Variants in GPR158 observed in about 807,000 individuals in gnomAD.
GPR158 encodes metabotropic glycine receptor.
A neutral mutation model predicts 78.2 loss-of-function variants in GPR158; 30 were observed. The observed-to-expected ratio is 0.38, with a 90% confidence interval of 0.29 to 0.52. The LOEUF (loss-of-function observed/expected upper bound fraction) is 0.52, where lower values mean the gene tolerates loss of function less well. Among genes scored for constraint, GPR158 ranks in the 20% least tolerant of loss-of-function variants. GPR158 has a pLI of 0.83. For synonymous variants in GPR158, 581 were observed against 591.1 expected (o/e 0.98, Z 0.25); for missense variants, 1,463 against 1,523.5 (o/e 0.96, Z 0.66).
At chr10:25,442,737 C>G (rs1835085161) in intron 4 of GPR158, among the ~76,000 whole-genome samples, 1 of 152,046 alleles carries the variant, frequency 6.6e-6, no homozygotes, top group Non-Finnish European at 1.5e-5. Context: ...ATAGCTAAGT[C>G]CATTTCAAAG....
chr10:25,428,865 A>T (rs529344467), intron 4 of GPR158, among the ~76,000 whole-genome samples: 93 of 152,234 alleles, frequency 6.1e-4, no homozygotes, highest in Admixed American at 1.6e-3. Context: ...AGATGTATAT[A>T]TGAAGAAACC....
chr10:25,288,058 A>G (rs886915566), intron 2 of GPR158, among the ~76,000 whole-genome samples: 1 of 151,222 alleles, frequency 6.6e-6, no homozygotes. Flanking sequence ...AGGGGGGTAA[A>G]ATAATAATAG....
intron 2 of GPR158, among the ~76,000 whole-genome samples, chr10:25,328,800 A>G (rs965732476): frequency 6.6e-6 from 1 of 151,724 alleles, no homozygotes; most frequent in Non-Finnish European, 1.5e-5. Flanking sequence ...CATGGCGGAC[A>G]CCTGTAATCC....
chr10:25,216,372 G>A (rs1853214114), intron 1 of GPR158, among the ~76,000 whole-genome samples: 1 of 152,120 alleles, frequency 6.6e-6, no homozygotes, highest in African/African-American at 2.4e-5. Context: ...GAGGAGGGAG[G>A]AAAAGCAGAA....
At chr10:25,222,919 G>GT (rs1259293716) in intron 2 of GPR158, among the ~76,000 whole-genome samples, 1 of 152,056 alleles carries the variant, frequency 6.6e-6, no homozygotes, top group African/African-American at 2.4e-5. Context: ...TCATGGTGTG[G>GT]TTTTGTGTCC....
chr10:25,562,667 A>T (rs527949672), intron 6 of GPR158, among the ~76,000 whole-genome samples: 1 of 152,278 alleles, frequency 6.6e-6, no homozygotes, highest in South Asian at 2.1e-4. Context: ...TCTGAAATTT[A>T]TTGAGACTGG....
At chr10:25,336,579 C>G (rs927902871) in intron 2 of GPR158, among the ~76,000 whole-genome samples, 2 of 152,034 alleles carry the variant, frequency 1.3e-5, no homozygotes, top group Non-Finnish European at 2.9e-5. Context: ...GCATGTTATA[C>G]AGCTCTAACT....
At chr10:25,533,901 C>T (rs753098840) in intron 5 of GPR158, among the ~76,000 whole-genome samples, 1 of 152,304 alleles carries the variant, frequency 6.6e-6, no homozygotes, top group East Asian at 1.9e-4. Context: ...CTTAACTTTG[C>T]CTCAGCTTCC....
intron 2 of GPR158, among the ~76,000 whole-genome samples, chr10:25,335,410 A>G (rs1855183223): frequency 6.6e-6 from 1 of 152,072 alleles, no homozygotes; most frequent in African/African-American, 2.4e-5. Context: ...TATTGTTTTT[A>G]TTAATAACTT....
intron 6 of GPR158, among the ~76,000 whole-genome samples, chr10:25,551,528 G>T (rs967302843): frequency 2.6e-5 from 4 of 152,156 alleles, no homozygotes; most frequent in African/African-American, 9.7e-5. Context: ...TATTCGATGG[G>T]TAAAGTTCAG....
intron 4 of GPR158, among the ~76,000 whole-genome samples, chr10:25,451,034 T>C (rs1004072178): frequency 6.6e-6 from 1 of 152,218 alleles, no homozygotes; most frequent in African/African-American, 2.4e-5. Flanking sequence ...GAACCATATG[T>C]TATACTGTTT....
chr10:25,397,279 A>G (rs1438405939), intron 3 of GPR158, among the ~76,000 whole-genome samples: 1 of 152,220 alleles, frequency 6.6e-6, no homozygotes, highest in Non-Finnish European at 1.5e-5. Context: ...AGTATTGAGT[A>G]TTATTCTCTC....
chr10:25,365,158 A>C (rs1435990482), intron 2 of GPR158, among the ~76,000 whole-genome samples: 1 of 151,796 alleles, frequency 6.6e-6, no homozygotes, highest in Non-Finnish European at 1.5e-5. Flanking sequence ...TTCTGGAATA[A>C]CAAGATAAAT....
intron 3 of GPR158, 32 bp downstream of exon 3, chr10:25,396,045 G>A (rs1307677346): frequency 2.8e-5 from 25 of 902,632 alleles, no homozygotes; most frequent in Non-Finnish European, 4.4e-5. Context: ...GTATATATAT[G>A]TATATACATC....
intron 4 of GPR158, among the ~76,000 whole-genome samples, chr10:25,463,686 C>T (rs1386969672): frequency 6.6e-6 from 1 of 151,986 alleles, no homozygotes; most frequent in Admixed American, 6.6e-5. Flanking sequence ...CATTGTCTCT[C>T]TCATCCATCT....
intron 2 of GPR158, among the ~76,000 whole-genome samples, chr10:25,227,580 C>A (rs1252032051): frequency 2.0e-5 from 3 of 152,080 alleles, no homozygotes; most frequent in Admixed American, 6.6e-5. Flanking sequence ...AATTTTTCTT[C>A]TTATTATTAT....
rs368773769 is a variant in GPR158 at position 25,598,526 on chromosome 10, C to A, written c.2900C>A (p.Pro967Gln). ...CAAAACTCAAATCCTGCGGAGGAGC[C>A]AAGAAAGCCTCAGAAATCTGGGATT... The part of the protein sequence containing the change: ...APQNSNPAEE[P>Q]RKPQKSGIMK... The change falls in exon 11 of 11, where the codon CCA (proline) becomes CAA (glutamine). Residue 967 changes from proline to glutamine, a missense_variant. Physicochemically the swap from Pro to Gln is moderately conservative, Grantham distance 76. Coordinates refer to ENST00000376351, the MANE Select transcript of GPR158 (RefSeq NM_020752.3). 1.1e-5 allele frequency: 18 copies of A among 1,613,316 alleles called. No homozygotes were observed. The highest frequency in any genetic ancestry group is 1.4e-5 in the Non-Finnish European group (16 of 1,179,864).
At chr10:25,548,837 A>T (rs1031649013) in intron 5 of GPR158, among the ~76,000 whole-genome samples, 2 of 152,114 alleles carry the variant, frequency 1.3e-5, no homozygotes, top group East Asian at 3.8e-4. Context: ...ATGCTGAAAA[A>T]TATTGTTATT....
intron 5 of GPR158, among the ~76,000 whole-genome samples, chr10:25,469,999 C>T (rs1180428079): frequency 6.6e-6 from 1 of 151,962 alleles, no homozygotes; most frequent in Non-Finnish European, 1.5e-5. Flanking sequence ...TATGTCACTC[C>T]TCTTCCCAAA....
Sources: gnomAD v4.1 joint callset for allele counts (sites outside exome capture counted in the v4.1 genomes callset) on GRCh38, gnomAD v4.1.1 for gene constraint, MANE v1.5 for transcripts, NCBI Gene and HGNC (gene_info 2026-07-23, HGNC 2026-07-21) for gene names.